SYT12: variants seen among roughly 807,000 people sequenced by gnomAD.
SYT12 encodes the protein synaptotagmin-12.
SYT12 carries 27 observed loss-of-function variants against 39.5 expected under a neutral mutation model. That is an observed-to-expected ratio of 0.68 (90% CI 0.50 to 0.94). The LOEUF is 0.94. Ranked by LOEUF, SYT12 falls within the 40% of genes least tolerant of loss-of-function variation. The pLI, the probability that SYT12 is intolerant of heterozygous loss-of-function variation, is 0.00. For missense variants in SYT12, 536 were observed against 572.6 expected, an observed-to-expected ratio of 0.94 and a Z score of 0.65; for synonymous variants, 233 against 239.7, an observed-to-expected ratio of 0.97 and a Z score of 0.26.
intron 7 of SYT12, among the ~76,000 whole-genome samples, chr11:67,046,940 C>T (rs1364304307): frequency 6.6e-6 from 1 of 152,178 alleles, no homozygotes; most frequent in African/African-American, 2.4e-5. Context: ...TCTTTTTGTT[C>T]CTGAAACAGC....
At chr11:67,043,107 G>C (rs1336288982) in intron 4 of SYT12, among the ~76,000 whole-genome samples, 2 of 152,206 alleles carry the variant, frequency 1.3e-5, no homozygotes, top group Non-Finnish European at 2.9e-5. Flanking sequence ...AACTTCCTGG[G>C]AGGAGGTCAG....
rs1249837767 is a variant in SYT12 at position 67,023,297 on chromosome 11, C to G, written c.-187C>G. On this transcript the variant is annotated 5_prime_UTR_variant, in exon 1 of 8. Transcript: ENST00000527043. The stretch of plus-strand genomic sequence containing the variant: ...CTCCGGTCCGCCGCCCCGGCCCGGC[C>G]GAGCCCCCGGCCCGCGCCGCGCTCC... 2 of 148,310 alleles carry G rather than the reference C, an allele frequency of 1.3e-5. No homozygotes were observed. Among genetic ancestry groups the G allele is most frequent in the Non-Finnish European group, 3.0e-5 (2 of 66,498 alleles). 9.2% of individuals were successfully genotyped at this position (148,310 alleles called of 1,614,324 possible).
chr11:67,044,798 A>T, intron 6 of SYT12, 85 bp downstream of exon 6: 1 of 1,576,214 alleles, frequency 6.3e-7, no homozygotes, highest in Non-Finnish European at 8.6e-7. Context: ...ACCCGGAGGC[A>T]TCGGCAGGTG....
intron 7 of SYT12, among the ~76,000 whole-genome samples, chr11:67,047,646 C>T (rs1285016897): frequency 1.3e-5 from 2 of 150,926 alleles, no homozygotes; most frequent in Non-Finnish European, 3.0e-5. Flanking sequence ...CAAGGTCACA[C>T]AGCAAGGAAG....
chr11:67,039,704 A>G, intron 3 of SYT12, 107 bp from the exon 4 acceptor site: 1 of 1,358,464 alleles, frequency 7.4e-7, no homozygotes, highest in Non-Finnish European at 9.9e-7. Flanking sequence ...TGAAAGGGGA[A>G]CTTGGAGATT....
At chr11:67,047,777 C>CTTTTTTT (rs1173796349) in intron 7 of SYT12, among the ~76,000 whole-genome samples, 8 of 76,032 alleles carry the variant, frequency 1.1e-4, no homozygotes, top group Non-Finnish European at 1.9e-4. Flanking sequence ...ACCCCCATCT[C>CTTTTTTT]TTTTTTTTTT....
upstream of SYT12, chr11:67,022,652 C>T (rs925551516): frequency 6.6e-6 from 1 of 152,228 alleles, no homozygotes; most frequent in Non-Finnish European, 1.5e-5. Flanking sequence ...TCACACAGAC[C>T]TGGGTTCAAT....
At chr11:67,010,486 T>TC (rs988093864) in intron 2 of SYT12, among the ~76,000 whole-genome samples, 2 of 151,824 alleles carry the variant, frequency 1.3e-5, no homozygotes, top group Admixed American at 6.6e-5. Flanking sequence ...AACCCTCGGG[T>TC]CCCCCCACCC....
chr11:67,010,647 TGCCAGTGAG>T (rs1245049605), intron 2 of SYT12, among the ~76,000 whole-genome samples: 1 of 152,216 alleles, frequency 6.6e-6, no homozygotes, highest in Non-Finnish European at 1.5e-5. Context: ...ATCCTGCTTA[TGCCAGTGAG>T]GCCCTGGGAC....
At chr11:67,035,197 C>T (rs879301330) in intron 3 of SYT12, among the ~76,000 whole-genome samples, 91 of 151,536 alleles carry the variant, frequency 6.0e-4, no homozygotes, top group Admixed American at 2.4e-3. Context: ...TTAGTAGATA[C>T]GGGGTTTCAC....
In SYT12 at chr11:67,044,710, G is replaced by A; in HGVS notation, c.955G>A (p.Ala319Thr). The change falls in exon 6 of 8, where the codon GCG becomes ACG. Residue 319 changes from alanine (A) to threonine (T), a missense_variant. Coordinates refer to ENST00000527043, the MANE Select transcript of SYT12 (RefSeq NM_177963.4). ...CATCTGGACCAACGACAAGACCACA[G>A]CGGGTAAGGCCCAGCCGGCAGCCCG... ...NLIWTNDKTT[A>T]DPFVKVYLLQ... The A allele has an allele frequency of 1.2e-6, 2 of 1,613,658 alleles. No homozygotes were observed. Among genetic ancestry groups the A allele is most frequent in the Non-Finnish European group, 1.7e-6 (2 of 1,179,954 alleles).
chr11:67,048,775 T>C lies in SYT12; in HGVS notation c.*18T>C, dbSNP rs375472538. The stretch of plus-strand genomic sequence containing the variant: ...GAAACTAGCAACCAGGGCGGGCCAG[T>C]TGGGCAATGGAGCTGCTGGAGCCCG... On this transcript the variant is annotated 3_prime_UTR_variant, in exon 8 of 8. Transcript: ENST00000527043. 46 of 1,585,540 alleles carry C rather than the reference T, an allele frequency of 2.9e-5. No homozygotes were observed. The Middle Eastern group carries it at 1.0e-3, about 36-fold the overall frequency.
chr11:67,013,093 C>T (rs1036292509), intron 3 of SYT12, among the ~76,000 whole-genome samples: 7 of 152,158 alleles, frequency 4.6e-5, no homozygotes, highest in South Asian at 2.1e-4. Flanking sequence ...TGGCTTGAGC[C>T]GGATCAATTC....
upstream of SYT12, among the ~76,000 whole-genome samples, chr11:67,020,831 C>T (rs950954741): frequency 1.3e-5 from 2 of 152,166 alleles, no homozygotes; most frequent in Non-Finnish European, 2.9e-5. Flanking sequence ...TGGGTTCAAG[C>T]GATTCTCCTG....
At position 67,034,787 on chromosome 11, in the gene SYT12, C is replaced by G; in HGVS notation, c.177C>G (p.Tyr59Ter). The G allele has an allele frequency of 6.3e-7, 1 of 1,594,398 alleles. No individual in the cohort carries two copies. The highest frequency in any genetic ancestry group is 1.1e-5 in the South Asian group (1 of 88,120). Residue 59 changes from tyrosine (Y) to a stop codon, truncating the protein, a stop_gained, in exon 3 of 8, where the codon TAC becomes TAG. Coordinates refer to ENST00000527043, the MANE Select transcript of SYT12 (RefSeq NM_177963.4). LOFTEE classifies it high-confidence loss of function. ...CCTCTCCGTTCCCCAATTACGACTA[C>G]AGGTACCTTCAGCAGAAGTACGGCG... Reference protein sequence around the residue: ...PSPSPFPNYDYRYLQQKYGES... With the variant: ...PSPSPFPNYD
At chr11:67,012,642 C>T (rs1192975589) in intron 3 of SYT12, among the ~76,000 whole-genome samples, 1 of 152,198 alleles carries the variant, frequency 6.6e-6, no homozygotes, top group Admixed American at 6.5e-5. Flanking sequence ...GCAAAAGAAC[C>T]TTGAAGTCAG....
chr11:67,027,694 A>C (rs1950200686), intron 1 of SYT12: 1 of 152,328 alleles, frequency 6.6e-6, no homozygotes, highest in Admixed American at 6.5e-5. Context: ...CGACAGCCAG[A>C]GGCCAGATGC....
rs371618791 is a variant in SYT12 at position 67,048,640 on chromosome 11, C to T, written c.1149C>T (p.Asn383=). Residue 383 remains asparagine (N), a synonymous_variant, in exon 8 of 8, where the codon AAC becomes AAT. Coordinates refer to ENST00000527043, the MANE Select transcript of SYT12 (RefSeq NM_177963.4). ...GCAGCAGCGACGGCCGTGGGGACAA[C>T]GTGGGCCATGTCATCATTGGGCCGT... ...AESSSDGRGD[N]VGHVIIGPSA... The T allele has an allele frequency of 1.6e-5, 25 of 1,612,504 alleles. No homozygotes were observed. The highest frequency in any genetic ancestry group is 2.0e-5 in the Non-Finnish European group (24 of 1,179,068).
chr11:67,022,484 A>G (rs1950119971), upstream of SYT12, among the ~76,000 whole-genome samples: 1 of 152,180 alleles, frequency 6.6e-6, no homozygotes, highest in African/African-American at 2.4e-5. Context: ...GCGGGCAGGG[A>G]GGGACCTGTC....
Sources: allele counts gnomAD v4.1 joint callset (sites outside exome capture counted in the v4.1 genomes callset), GRCh38; gene constraint gnomAD v4.1.1; transcripts MANE v1.5; gene names NCBI Gene and HGNC (gene_info 2026-07-23, HGNC 2026-07-21).